The following JMJD1C variants were observed in gnomAD, a reference collection of about 807,000 sequenced individuals.
The protein encoded by JMJD1C is jumonji domain-containing protein 1C.
A neutral mutation model predicts 245.3 loss-of-function variants in JMJD1C; 31 were observed. That is an observed-to-expected ratio of 0.13 (90% CI 0.09 to 0.17). The LOEUF is 0.17. JMJD1C is among the 10% of genes least tolerant of loss of function. The probability of loss-of-function intolerance (pLI) is 1.00; values close to 1 mark genes in which losing one functional copy is unlikely to be tolerated. For synonymous variants in JMJD1C, 1,057 were observed against 1,017.4 expected (o/e 1.04, Z -0.74); for missense variants, 2,691 against 3,000.2 (o/e 0.90, Z 2.41).
At chr10:63,521,430 A>G in intron 1 of JMJD1C, 1 of 438,892 alleles carries the variant, frequency 2.3e-6, no homozygotes, top group South Asian at 9.5e-5. Context: ...TGAGGGCGCC[A>G]GCGCGGCCCC....
chr10:63,183,372 T>G, intron 22 of JMJD1C, 75 bp downstream of exon 22: 1 of 1,320,828 alleles, frequency 7.6e-7, no homozygotes, highest in Non-Finnish European at 1.0e-6. Context: ...ACTCAGAAGC[T>G]GATATTCTGG....
intron 2 of JMJD1C, among the ~76,000 whole-genome samples, chr10:63,368,163 A>T (rs888798950): frequency 5.3e-5 from 8 of 152,166 alleles, no homozygotes; most frequent in East Asian, 3.9e-4. Flanking sequence ...GGACCCAAAA[A>T]TTTCAATTTG....
At chr10:63,520,225 T>A (rs1042369594) in intron 1 of JMJD1C, among the ~76,000 whole-genome samples, 3 of 152,178 alleles carry the variant, frequency 2.0e-5, no homozygotes, top group African/African-American at 7.2e-5. Context: ...AAACATATTA[T>A]TTAGCAGTGC....
rs2132715124 is a variant in JMJD1C at position 63,167,871 on chromosome 10, C to T, written c.*174G>A. 1.9e-6 allele frequency: 1 copy of T among 516,642 alleles called. No homozygotes were observed. Among genetic ancestry groups the T allele is most frequent in the African/African-American group, 1.9e-5 (1 of 52,852 alleles). The allele number at this position is 516,642 out of a possible 1,614,324, so 32.0% of individuals were successfully genotyped here. ...CTGCTTGTTTTATAACATTGAATCACAGGAGCTGTGACATATGCTATACTG... is the reference window on the plus strand; with the variant it reads ...CTGCTTGTTTTATAACATTGAATCATAGGAGCTGTGACATATGCTATACTG... On this transcript the variant is annotated 3_prime_UTR_variant, in exon 26 of 26. Coordinates refer to ENST00000399262, the MANE Select transcript of JMJD1C (RefSeq NM_032776.3).
intron 2 of JMJD1C, among the ~76,000 whole-genome samples, chr10:63,378,500 G>A (rs945712379): frequency 6.6e-6 from 1 of 152,136 alleles, no homozygotes; most frequent in Non-Finnish European, 1.5e-5. Context: ...GCTGAGGCAG[G>A]AGAACTGCGT....
chr10:63,248,564 A>AAATAAATG (rs1261413678), intron 3 of JMJD1C, among the ~76,000 whole-genome samples: 62 of 151,388 alleles, frequency 4.1e-4, no homozygotes, highest in African/African-American at 1.0e-3. Context: ...ATAAATAAAT[A>AAATAAATG]AATGACAGGG....
At chr10:63,231,413 G>C (rs560125358) in intron 3 of JMJD1C, among the ~76,000 whole-genome samples, 2 of 152,150 alleles carry the variant, frequency 1.3e-5, no homozygotes, top group Non-Finnish European at 1.5e-5. Context: ...CAAAAACACT[G>C]ATTAGTTATA....
intron 24 of JMJD1C, among the ~76,000 whole-genome samples, chr10:63,173,853 T>A (rs892513277): frequency 1.3e-4 from 19 of 151,496 alleles, no homozygotes; most frequent in African/African-American, 3.9e-4. Context: ...CAAAACTCAG[T>A]AAGAAAAAAA....
chr10:63,307,167 A>C (rs1487062704), intron 2 of JMJD1C, among the ~76,000 whole-genome samples: 2 of 152,174 alleles, frequency 1.3e-5, no homozygotes, highest in South Asian at 2.1e-4. Context: ...AAAATTTCCT[A>C]AACTGTCTCT....
chr10:63,470,227 A>G (rs900964699), upstream of JMJD1C, among the ~76,000 whole-genome samples: 2 of 152,164 alleles, frequency 1.3e-5, no homozygotes, highest in Non-Finnish European at 2.9e-5. Flanking sequence ...TACTCCCAGC[A>G]GCTACCAGGC....
intron 1 of JMJD1C, among the ~76,000 whole-genome samples, chr10:63,396,184 T>C (rs1023155328): frequency 4.0e-5 from 6 of 151,692 alleles, no homozygotes; most frequent in Non-Finnish European, 8.8e-5. Flanking sequence ...CCAAAGGCAA[T>C]GATGATATAT....
intron 2 of JMJD1C, among the ~76,000 whole-genome samples, chr10:63,321,754 C>T (rs905272083): frequency 1.2e-4 from 19 of 152,158 alleles, no homozygotes; most frequent in African/African-American, 3.4e-4. Flanking sequence ...TACAAGTGTA[C>T]GCGAGTTAGG....
intron 2 of JMJD1C, among the ~76,000 whole-genome samples, chr10:63,340,417 GTTTT>G (rs967690692): frequency 3.3e-5 from 5 of 152,164 alleles, no homozygotes; most frequent in African/African-American, 9.6e-5. Flanking sequence ...TGTGTGTGTG[GTTTT>G]TTGTTTTTTT....
chr10:63,195,893 C>G (rs1354704870), intron 13 of JMJD1C, among the ~76,000 whole-genome samples: 1 of 152,126 alleles, frequency 6.6e-6, no homozygotes, highest in Non-Finnish European at 1.5e-5. Context: ...TGCGCCACTG[C>G]ACTCCAGCCT....
At position 63,200,398 on chromosome 10, in the gene JMJD1C, A is replaced by G; in HGVS notation, c.5276+78T>C. 2.9e-6 allele frequency: 3 copies of G among 1,035,494 alleles called. 1 individual carries two copies. The highest frequency in any genetic ancestry group is 4.4e-6 in the Non-Finnish European group (3 of 681,476). The allele number at this position is 1,035,494 out of a possible 1,614,324, so 64.1% of individuals were successfully genotyped here. A position where few individuals can be genotyped will look rare whatever the true frequency, so the allele number is the denominator to read the frequency against. ...AGACTTACTCCCCCATCCAAAAGGG[A>G]CACTCAGAATAACACTATATAATTT... is the stretch of plus-strand genomic sequence containing the variant. On this transcript the variant is annotated intron_variant, in intron 11 of 25. Coordinates refer to ENST00000399262, the MANE Select transcript of JMJD1C (RefSeq NM_032776.3).
At chr10:63,264,881 C>A in intron 2 of JMJD1C, 117 bp from the exon 3 acceptor site, 1 of 512,460 alleles carries the variant, frequency 2.0e-6, no homozygotes, top group South Asian at 2.8e-5. Flanking sequence ...TCTTAGGGTA[C>A]CTAATATTAA....
chr10:63,401,789 G>GTT (rs1948873943), intron 1 of JMJD1C, among the ~76,000 whole-genome samples: 1 of 152,082 alleles, frequency 6.6e-6, no homozygotes, highest in Non-Finnish European at 1.5e-5. Context: ...GCGTTCAGGA[G>GTT]TTGACTAACA....
chr10:63,440,338 A>G (rs1951297158), intron 1 of JMJD1C, among the ~76,000 whole-genome samples: 1 of 103,188 alleles, frequency 9.7e-6, no homozygotes, highest in Non-Finnish European at 1.9e-5. Flanking sequence ...TCTGTCTCAA[A>G]AGAAAAAAAA....
intron 2 of JMJD1C, among the ~76,000 whole-genome samples, chr10:63,341,833 A>G (rs1422764303): frequency 2.6e-5 from 4 of 152,252 alleles, no homozygotes; most frequent in Admixed American, 2.6e-4. Context: ...CGACATGCTA[A>G]CAGCAGTAAA....
Sources: allele counts gnomAD v4.1 joint callset (sites outside exome capture counted in the v4.1 genomes callset), GRCh38; gene constraint gnomAD v4.1.1; transcripts MANE v1.5; gene names NCBI Gene and HGNC (gene_info 2026-07-23, HGNC 2026-07-21).